The following NAA60 variants were observed in gnomAD, a reference collection of about 807,000 sequenced individuals.
The protein encoded by NAA60 is N-alpha-acetyltransferase 60.
Under a neutral mutation model 26.1 loss-of-function variants are expected in NAA60, and 8 were observed. That is an observed-to-expected ratio of 0.31 (90% CI 0.18 to 0.55). The LOEUF is 0.55. Ranked by LOEUF, NAA60 falls within the 20% of genes least tolerant of loss-of-function variation. The pLI, the probability that NAA60 is intolerant of heterozygous loss-of-function variation, is 0.93. For missense variants in NAA60, 290 were observed against 311.3 expected (o/e 0.93, Z 0.51); for synonymous variants, 131 against 122.5 (o/e 1.07, Z -0.46).
rs1246968948 is a variant in NAA60 at position 3,443,702 on chromosome 16, C to T, written c.-212C>T. 2 of 1,428,768 alleles carry T rather than the reference C, an allele frequency of 1.4e-6. No homozygotes were observed. The highest frequency in any genetic ancestry group is 1.8e-6 in the Non-Finnish European group (2 of 1,092,966). The allele number at this position is 1,428,768 out of a possible 1,614,324, so 88.5% of individuals were successfully genotyped here. ...TTTCCGCTTCCGCTGGCGGGGTCTC[C>T]TCCGTGAGCTCCGGGCCTGTTTGCC... On this transcript the variant is annotated 5_prime_UTR_variant, in exon 1 of 8. Transcript: ENST00000407558.
rs1323894419 is a variant in NAA60, at chr16:3,484,970, CTCG to C, written c.*119_*121del. ...AGGAGCTGCCAGCCATCTAACTGGGCTCGTCGGCCTGCCCCAGCTGCAGGCCCG... is the reference window on the plus strand; with the variant it reads ...AGGAGCTGCCAGCCATCTAACTGGGCTCGGCCTGCCCCAGCTGCAGGCCCG... On this transcript the variant is annotated 3_prime_UTR_variant, in exon 7 of 8. Coordinates refer to ENST00000407558, the MANE Select transcript of NAA60 (RefSeq NM_001083601.3). The C allele has an allele frequency of 3.9e-6, 6 of 1,529,806 alleles. No individual in the cohort carries two copies. Among genetic ancestry groups the C allele is most frequent in the Non-Finnish European group, 4.4e-6 (5 of 1,140,464 alleles). 94.8% of individuals were successfully genotyped at this position (1,529,806 alleles called of 1,614,324 possible).
intron 2 of NAA60, among the ~76,000 whole-genome samples, chr16:3,454,117 A>G (rs1232201814): frequency 6.6e-6 from 1 of 152,180 alleles, no homozygotes; most frequent in African/African-American, 2.4e-5. Flanking sequence ...GACTTAAGAG[A>G]GGAAGGGCAG....
intron 2 of NAA60, among the ~76,000 whole-genome samples, chr16:3,461,434 A>G (rs2035386957): frequency 6.6e-6 from 1 of 152,182 alleles, no homozygotes; most frequent in Admixed American, 6.5e-5. Context: ...GGAAGCAAAC[A>G]AGGGCCACTC....
intron 4 of NAA60, 55 bp downstream of exon 4, chr16:3,479,655 G>A: frequency 6.3e-7 from 1 of 1,590,206 alleles, no homozygotes; most frequent in Non-Finnish European, 8.6e-7. Flanking sequence ...GACGGGCCAA[G>A]GGGGCTTGCG....
chr16:3,464,790 C>G (rs2150974825), intron 2 of NAA60, among the ~76,000 whole-genome samples: 1 of 152,274 alleles, frequency 6.6e-6, no homozygotes, highest in Non-Finnish European at 1.5e-5. Flanking sequence ...GAAATATATT[C>G]CAGGCACAAC....
Position 3,484,782 on chromosome 16 carries a change from G to A in NAA60, c.656G>A (p.Ser219Asn). The A allele has an allele frequency of 6.3e-7, 1 of 1,586,590 alleles. No homozygotes were observed. The highest frequency in any genetic ancestry group is 8.6e-7 in the Non-Finnish European group (1 of 1,167,498). Residue 219 changes from serine (S) to asparagine (N), a missense_variant, in exon 7 of 8, where the codon AGC (serine) becomes AAC (asparagine). Transcript: ENST00000407558. The part of the protein sequence containing the change: ...IPHRVYRQAH[S>N]LLCSFLPWSG... ...CACAGAGTCTACCGCCAGGCCCACA[G>A]CCTGCTCTGCAGCTTCCTGCCATGG...
At chr16:3,475,766 A>G (rs1195886799) in intron 2 of NAA60, among the ~76,000 whole-genome samples, 1 of 152,174 alleles carries the variant, frequency 6.6e-6, no homozygotes, top group Non-Finnish European at 1.5e-5. Flanking sequence ...CCAGCCGTTC[A>G]CTGCCCCGGC....
At chr16:3,456,277 G>T (rs578204307) in intron 2 of NAA60, among the ~76,000 whole-genome samples, 1 of 152,304 alleles carries the variant, frequency 6.6e-6, no homozygotes, top group East Asian at 1.9e-4. Flanking sequence ...CTGAGGTTCT[G>T]CATTTTTAGC....
intron 2 of NAA60, among the ~76,000 whole-genome samples, chr16:3,451,589 A>G (rs977747017): frequency 2.0e-5 from 3 of 152,218 alleles, no homozygotes; most frequent in East Asian, 1.9e-4. Flanking sequence ...CATTAAAACA[A>G]TGAGACCTTT....
chr16:3,483,341 A>T (rs1352676494), intron 5 of NAA60, 22 bp from the exon 6 acceptor site: 5 of 1,556,014 alleles, frequency 3.2e-6, no homozygotes, highest in Non-Finnish European at 4.4e-6. Context: ...TGCCTGCATT[A>T]CCTTTACCTC....
At chr16:3,457,847 G>T in intron 2 of NAA60, 1 of 441,184 alleles carries the variant, frequency 2.3e-6, no homozygotes. Context: ...GACAGGGAAG[G>T]AGCCGGCCCT....
chr16:3,444,035 G>GCCTAC, intron 1 of NAA60, 198 bp downstream of exon 1: 1 of 1,072,130 alleles, frequency 9.3e-7, no homozygotes, highest in Non-Finnish European at 1.2e-6. Flanking sequence ...CAGGTTGCTG[G>GCCTAC]ACTCTGACTC....
chr16:3,447,298 A>G (rs1210098328), intron 1 of NAA60, among the ~76,000 whole-genome samples: 2 of 152,202 alleles, frequency 1.3e-5, no homozygotes, highest in Non-Finnish European at 2.9e-5. Flanking sequence ...TGGTAGTGGT[A>G]GTTATATTTT....
intron 1 of NAA60, 160 bp downstream of exon 1, chr16:3,443,997 C>T (rs2034447379): frequency 1.5e-6 from 2 of 1,299,482 alleles, no homozygotes; most frequent in South Asian, 1.9e-5. Flanking sequence ...TCTTTGTGTA[C>T]GTTCACAACG....
chr16:3,460,696 G>C (rs566989137), intron 2 of NAA60, among the ~76,000 whole-genome samples: 2 of 152,254 alleles, frequency 1.3e-5, no homozygotes, highest in South Asian at 2.1e-4. Context: ...TCTTTTCCTG[G>C]TTTGCAGAAA....
chr16:3,458,120 C>T (rs1002211376), intron 2 of NAA60: 27 of 985,166 alleles, frequency 2.7e-5, no homozygotes, highest in Middle Eastern at 5.2e-4. Context: ...TCCCGGCTCC[C>T]TTCGCCTCCA....
chr16:3,473,678 G>T (rs2036290613), intron 2 of NAA60, among the ~76,000 whole-genome samples: 1 of 152,024 alleles, frequency 6.6e-6, no homozygotes, highest in African/African-American at 2.4e-5. Flanking sequence ...AGGATTACAG[G>T]TGCGAGCCAC....
intron 2 of NAA60, among the ~76,000 whole-genome samples, chr16:3,458,533 G>A (rs1019490326): frequency 2.6e-5 from 4 of 152,196 alleles, no homozygotes; most frequent in African/African-American, 7.2e-5. Context: ...TGGGTACCCT[G>A]TGGGGTGTCG....
At chr16:3,461,958 G>A (rs976522920) in intron 2 of NAA60, among the ~76,000 whole-genome samples, 2 of 151,982 alleles carry the variant, frequency 1.3e-5, no homozygotes, top group South Asian at 2.1e-4. Context: ...ATGGTGGTGC[G>A]CATCTGTCAT....
Sources: allele counts gnomAD v4.1 joint callset (sites outside exome capture counted in the v4.1 genomes callset), GRCh38; gene constraint gnomAD v4.1.1; transcripts MANE v1.5; gene names NCBI Gene and HGNC (gene_info 2026-07-23, HGNC 2026-07-21).